Variants in FBXL13 observed in about 807,000 individuals in gnomAD.
FBXL13 encodes F-box and leucine-rich repeat protein 13.
Under a neutral mutation model 83.6 loss-of-function variants are expected in FBXL13, and 67 were observed. That is an observed-to-expected ratio of 0.80 (90% CI 0.66 to 0.98). FBXL13 has a LOEUF of 0.98. Among genes scored for constraint, FBXL13 ranks in the 50% least tolerant of loss-of-function variants. The pLI is 0.00. For missense variants in FBXL13, 822 were observed against 866.5 expected, an observed-to-expected ratio of 0.95 and a Z score of 0.64; for synonymous variants, 272 against 299.5, an observed-to-expected ratio of 0.91 and a Z score of 0.95.
intron 17 of FBXL13, among the ~76,000 whole-genome samples, chr7:102,845,640 T>A (rs151203439): frequency 8.5e-5 from 13 of 152,318 alleles, no homozygotes; most frequent in African/African-American, 3.1e-4. Context: ...GATTTTGCTA[T>A]CTAAATGTTC....
At chr7:102,866,706 G>A (rs937908250) in intron 16 of FBXL13, among the ~76,000 whole-genome samples, 5 of 152,290 alleles carry the variant, frequency 3.3e-5, no homozygotes, top group African/African-American at 1.2e-4. Flanking sequence ...ACACGCAGCT[G>A]TAAGTGCTTC....
At chr7:102,902,236 T>C (rs1813056676) in intron 11 of FBXL13, among the ~76,000 whole-genome samples, 2 of 152,210 alleles carry the variant, frequency 1.3e-5, no homozygotes, top group African/African-American at 4.8e-5. Context: ...ATGTTTTCTT[T>C]GAGAAATGTC....
chr7:102,818,631 G>A (rs1798345687), intron 19 of FBXL13, among the ~76,000 whole-genome samples: 2 of 152,084 alleles, frequency 1.3e-5, no homozygotes, highest in Admixed American at 6.6e-5. Flanking sequence ...CCGAGTTTAA[G>A]CTTCTAGCAA....
intron 1 of FBXL13, among the ~76,000 whole-genome samples, chr7:103,057,384 C>A (rs1482585976): frequency 6.6e-6 from 1 of 150,384 alleles, no homozygotes; most frequent in Non-Finnish European, 1.5e-5. Flanking sequence ...GGTTTTCTAG[C>A]CTTTTAAAGT....
At chr7:102,963,429 C>G (rs918177280) in intron 8 of FBXL13, 104 bp downstream of exon 9, 3 of 1,399,484 alleles carry the variant, frequency 2.1e-6, no homozygotes, top group Non-Finnish European at 2.9e-6. Context: ...TCCTTATGAC[C>G]TAAAACTGTC....
intron 10 of FBXL13, among the ~76,000 whole-genome samples, chr7:102,914,875 A>C (rs1419281084): frequency 6.6e-6 from 1 of 152,130 alleles, no homozygotes; most frequent in African/African-American, 2.4e-5. Context: ...CCTGGGGTAC[A>C]CCCTGTGATT....
chr7:103,001,009 A>G (rs368680565), intron 6 of FBXL13, among the ~76,000 whole-genome samples: 1 of 152,192 alleles, frequency 6.6e-6, no homozygotes, highest in African/African-American at 2.4e-5. Context: ...CAGTGGCACA[A>G]TCATGGCTCA....
intron 1 of FBXL13, among the ~76,000 whole-genome samples, chr7:103,062,853 G>T (rs1798052230): frequency 6.6e-6 from 1 of 152,162 alleles, no homozygotes; most frequent in East Asian, 1.9e-4. Flanking sequence ...CAGCCTCAGA[G>T]TTACAGCTCC....
At chr7:102,936,597 A>G (rs750418101) in intron 8 of FBXL13, among the ~76,000 whole-genome samples, 1 of 152,214 alleles carries the variant, frequency 6.6e-6, no homozygotes, top group African/African-American at 2.4e-5. Context: ...GCTTAGATTG[A>G]AAACTGGAAT....
At chr7:103,028,833 G>T in intron 3 of FBXL13, 85 bp from the exon 5 acceptor site, 1 of 1,161,728 alleles carries the variant, frequency 8.6e-7, no homozygotes, top group Non-Finnish European at 1.1e-6. Flanking sequence ...AACAAAGAAT[G>T]ATATCTCCTT....
intron 11 of FBXL13, among the ~76,000 whole-genome samples, chr7:102,885,824 CT>C (rs1001999585): frequency 1.4e-4 from 22 of 152,080 alleles, no homozygotes; most frequent in African/African-American, 5.1e-4. Flanking sequence ...TCCAACTTCA[CT>C]TTTTTTTCAT....
At chr7:102,877,668 A>C (rs1809454248) in intron 15 of FBXL13, 75 bp from the exon 17 acceptor site, 1 of 1,475,038 alleles carries the variant, frequency 6.8e-7, no homozygotes, top group Non-Finnish European at 9.2e-7. Flanking sequence ...TATAAAAACT[A>C]TCTTGGGAAA....
At chr7:102,979,887 G>T (rs1365073718) in intron 6 of FBXL13, among the ~76,000 whole-genome samples, 4 of 152,116 alleles carry the variant, frequency 2.6e-5, no homozygotes, top group Non-Finnish European at 5.9e-5. Context: ...TGGATTGGAA[G>T]ACATAACAAT....
downstream of FBXL13, among the ~76,000 whole-genome samples, chr7:102,812,615 G>A (rs565331698): frequency 1.2e-3 from 182 of 152,144 alleles, 1 homozygote; most frequent in South Asian, 0.014. Context: ...CTTAAAAAGC[G>A]TTACAGATCC....
intron 2 of FBXL13, among the ~76,000 whole-genome samples, chr7:103,029,935 A>G (rs776396575): frequency 1.3e-5 from 2 of 152,196 alleles, no homozygotes; most frequent in Non-Finnish European, 2.9e-5. Context: ...ACTTACAACT[A>G]TTCACAATAA....
chr7:102,826,724 CATATAT>C (rs58307950), intron 18 of FBXL13, among the ~76,000 whole-genome samples: 842 of 62,360 alleles, frequency 0.014, 17 homozygotes, highest in Middle Eastern at 0.033. Context: ...GACCCTGTCT[CATATAT>C]ATATATATAT....
intron 10 of FBXL13, among the ~76,000 whole-genome samples, chr7:102,914,132 C>T (rs1815334247): frequency 6.6e-6 from 1 of 152,184 alleles, no homozygotes; most frequent in South Asian, 2.1e-4. Context: ...GAGATCTTGG[C>T]TCACTGCAAC....
At chr7:103,047,005 T>C (rs1369078456) in intron 2 of FBXL13, 1 of 152,218 alleles carries the variant, frequency 6.6e-6, no homozygotes, top group East Asian at 1.9e-4. Context: ...CGGTGAACCA[T>C]AAAAACTTTC....
chr7:103,053,660 G>C (rs1797054351), intron 2 of FBXL13, among the ~76,000 whole-genome samples: 1 of 152,182 alleles, frequency 6.6e-6, no homozygotes, highest in Admixed American at 6.5e-5. Flanking sequence ...CTATTCTGGA[G>C]TATAGGAGTA....
Sources: allele counts gnomAD v4.1 joint callset (sites outside exome capture counted in the v4.1 genomes callset), GRCh38; gene constraint gnomAD v4.1.1; transcripts MANE v1.5; gene names NCBI Gene and HGNC (gene_info 2026-07-23, HGNC 2026-07-21).